DPEP3: variants seen among roughly 807,000 people sequenced by gnomAD.
DPEP3 encodes the protein dipeptidase 3.
DPEP3 carries 42 observed loss-of-function variants against 47.5 expected under a neutral mutation model. The observed-to-expected ratio is 0.88, with a 90% CI of 0.69 to 1.14. DPEP3 has a LOEUF of 1.14. Among genes scored for constraint, DPEP3 ranks in the 50% most tolerant of loss-of-function variants. The pLI is 0.00. For missense variants in DPEP3, 560 were observed against 635.0 expected (o/e 0.88, Z 1.27); for synonymous variants, 276 against 270.2 (o/e 1.02, Z -0.21).
Position 67,977,355 on chromosome 16 carries a change from C to T in DPEP3, c.934-1G>A. 1 of 1,613,698 alleles carries T rather than the reference C, an allele frequency of 6.2e-7. No individual in the cohort carries two copies. Among genetic ancestry groups the T allele is most frequent in the Non-Finnish European group, 8.5e-7 (1 of 1,179,762 alleles). On this transcript the variant is annotated splice_acceptor_variant, in intron 6 of 9. Coordinates refer to ENST00000268793, the MANE Select transcript of DPEP3 (RefSeq NM_001370198.1). LOFTEE classifies it high-confidence loss of function. ...CCATCACGATGCCACCGTTCTTCTTCTAGAGGGATAAAGGGATACTCATCT... is the reference window on the plus strand; with the variant it reads ...CCATCACGATGCCACCGTTCTTCTTTTAGAGGGATAAAGGGATACTCATCT...
rs778883477 is a variant in DPEP3 at position 67,977,755 on chromosome 16, C to T, written c.831G>A (p.Arg277=). 6 of 1,613,778 alleles carry T rather than the reference C, an allele frequency of 3.7e-6. No homozygotes were observed. The East Asian group carries it at 1.3e-4, about 36-fold the overall frequency. The change falls in exon 6 of 10, where the codon AGG becomes AGA. Residue 277 remains arginine (R), a synonymous_variant. Coordinates refer to ENST00000268793, the MANE Select transcript of DPEP3 (RefSeq NM_001370198.1). ...LSYASDTLIR[R]VLEVSQAPVI... is the part of the protein sequence containing the mutation. The stretch of plus-strand genomic sequence containing the variant: ...CAGGAGCCTGAGACACTTCCAGGAC[C>T]CTTCTTATCAAGGTGTCCGATGCAT...
intron 8 of DPEP3, 24 bp downstream of exon 8, chr16:67,976,676 G>A (rs1166007282): frequency 6.2e-7 from 1 of 1,612,288 alleles, no homozygotes; most frequent in Admixed American, 1.7e-5. Flanking sequence ...CCCAGCCTAA[G>A]AGAAACCTCA....
chr16:67,978,083 C>G lies in DPEP3; in HGVS notation c.687-76G>C. On this transcript the variant is annotated intron_variant, in intron 4 of 9. Transcript: ENST00000268793. This position sits in a 1 kb window ranked among gnomAD's most constrained non-coding sequence, Gnocchi z 4.4. ...CACAGCCTGGGGGCCCTGGCTCTAT[C>G]CATCCATCCTGCTTCCAGAACAGGT... 6.3e-7 allele frequency: 1 copy of G among 1,584,890 alleles called. No individual in the cohort carries two copies. The highest frequency in any genetic ancestry group is 8.7e-7 in the Non-Finnish European group (1 of 1,155,156).
Position 67,979,766 on chromosome 16 carries a change from C to T in DPEP3, c.288-1G>A. Reference sequence around the variant, plus strand: ...CAGGACCTGGGGCAGGTCATTGTGGCTGGGGGTGTGAAGGTCAGATGGAAA... The same window carrying T: ...CAGGACCTGGGGCAGGTCATTGTGGTTGGGGGTGTGAAGGTCAGATGGAAA... On this transcript the variant is annotated splice_acceptor_variant, in intron 1 of 9. Coordinates refer to ENST00000268793, the MANE Select transcript of DPEP3 (RefSeq NM_001370198.1). LOFTEE classifies it high-confidence loss of function. The T allele has an allele frequency of 1.2e-6, 2 of 1,613,696 alleles. No homozygotes were observed. The highest frequency in any genetic ancestry group is 1.7e-6 in the Non-Finnish European group (2 of 1,179,822).
Position 67,980,331 on chromosome 16 carries a change from A to G in DPEP3, c.50T>C (p.Leu17Pro), listed in dbSNP as rs1388595072. The change falls in exon 1 of 10, where the codon CTG becomes CCG. Residue 17 changes from leucine to proline, a missense_variant. By Grantham distance (98) the Leu-to-Pro change is moderately conservative (BLOSUM62 -3). Transcript: ENST00000268793. ...CAGTAGCAGGAGCAGCAGACGCCGC[A>G]GATACCGCCGGCTGAGCGCGCGGGA... is the stretch of plus-strand genomic sequence containing the variant. The part of the protein sequence containing the change: ...EGSRALSRRY[L>P]RRLLLLLLLL... 6.4e-7 allele frequency: 1 copy of G among 1,554,180 alleles called. No homozygotes were observed. The highest frequency in any genetic ancestry group is 8.7e-7 in the Non-Finnish European group (1 of 1,150,328).
rs1180033912 is a variant in DPEP3 at position 67,978,687 on chromosome 16, C to A, written c.415-61G>T. On this transcript the variant is annotated intron_variant, in intron 2 of 9. Transcript: ENST00000268793. This position sits in a 1 kb window ranked among gnomAD's most constrained non-coding sequence, Gnocchi z 4.4. ...GGCGGTCTTCAACCCCCTAGGCCTGCCACTCCTGCCTCAGACCCCATAACA... is the reference window on the plus strand; with the variant it reads ...GGCGGTCTTCAACCCCCTAGGCCTGACACTCCTGCCTCAGACCCCATAACA... 3 of 1,592,690 alleles carry A rather than the reference C, an allele frequency of 1.9e-6. No homozygotes were observed. The highest frequency in any genetic ancestry group is 2.3e-5 in the South Asian group (2 of 88,638).
In DPEP3 at chr16:67,975,781, G is replaced by C; in HGVS notation, c.1451C>G (p.Thr484Ser). The stretch of plus-strand genomic sequence containing the variant: ...CCGACTGTGTCAGCAGAGCCACTGG[G>C]TGAAGGTTGGGATGGTGGCAGCAGC... ...LVAAATIPTF[T>S]QWLC The change falls in exon 10 of 10, where the codon ACC (threonine) becomes AGC (serine). Residue 484 changes from threonine to serine, a missense_variant. Coordinates refer to ENST00000268793, the MANE Select transcript of DPEP3 (RefSeq NM_001370198.1). The C allele has an allele frequency of 6.2e-7, 1 of 1,613,168 alleles. No homozygotes were observed. Among genetic ancestry groups the C allele is most frequent in the East Asian group, 2.2e-5 (1 of 44,876 alleles).
chr16:67,978,177 T>G lies in DPEP3; in HGVS notation c.686+90A>C. On this transcript the variant is annotated intron_variant, in intron 4 of 9. Transcript: ENST00000268793. This position sits in a 1 kb window ranked among gnomAD's most constrained non-coding sequence, Gnocchi z 4.4. ...GTCCAGCCTCCCTCTGCGGACCCCT[T>G]CATCCTCAACGGCTTGGTCACACCC... 3.7e-6 allele frequency: 6 copies of G among 1,603,156 alleles called. No homozygotes were observed. The highest frequency in any genetic ancestry group is 5.1e-6 in the Non-Finnish European group (6 of 1,172,744).
At position 67,976,199 on chromosome 16, in the gene DPEP3, G is replaced by A; in HGVS notation, c.1124C>T (p.Thr375Ile). 5 of 1,614,198 alleles carry A rather than the reference G, an allele frequency of 3.1e-6. No homozygotes were observed. The highest frequency in any genetic ancestry group is 3.4e-6 in the Non-Finnish European group (4 of 1,180,034). Reference protein sequence around the residue: ...RFPQGLEDVSTYPVLIEELLS... With the variant: ...RFPQGLEDVSIYPVLIEELLS... ...CAACTCCTCTATCAGGACTGGGTAT[G>A]TGGACACATCCTCCAGCCCCTGAGG... The change falls in exon 9 of 10, where the codon ACA becomes ATA. Residue 375 changes from threonine (T) to isoleucine (I), a missense_variant. Thr to Ile is a moderately conservative substitution (Grantham distance 89). Transcript: ENST00000268793.
At position 67,980,280 on chromosome 16, in the gene DPEP3, G is replaced by A. The variant is rs760241354; in HGVS notation, c.101C>T (p.Thr34Ile). 38 of 1,582,934 alleles carry A rather than the reference G, an allele frequency of 2.4e-5. No individual in the cohort carries two copies. Among genetic ancestry groups the A allele is most frequent in the Non-Finnish European group, 2.7e-5 (32 of 1,166,420 alleles). Residue 34 changes from threonine to isoleucine, a missense_variant, in exon 1 of 10, where the codon ACC becomes ATC. Coordinates refer to ENST00000268793, the MANE Select transcript of DPEP3 (RefSeq NM_001370198.1). ...LLLLLLRQPVTRAETTPGAPR... is the reference protein window; with the variant it reads ...LLLLLLRQPVIRAETTPGAPR... The stretch of plus-strand genomic sequence containing the variant: ...GGCGCCCGGCGTGGTCTCCGCGCGG[G>A]TTACGGGCTGCCGCAGCAGCAGCAG...
At position 67,975,742 on chromosome 16, in the gene DPEP3, G is replaced by A. The variant is rs1334309966; in HGVS notation, c.*23C>T. ...GGGCTTTGTGAGGCTTTGCCACAGT[G>A]ACCTCTGCGGGGACCGACTGTGTCA... is the stretch of plus-strand genomic sequence containing the variant. On this transcript the variant is annotated 3_prime_UTR_variant, in exon 10 of 10. Coordinates refer to ENST00000268793, the MANE Select transcript of DPEP3 (RefSeq NM_001370198.1). 1 of 1,593,284 alleles carries A rather than the reference G, an allele frequency of 6.3e-7. No individual in the cohort carries two copies. Among genetic ancestry groups the A allele is most frequent in the South Asian group, 1.1e-5 (1 of 88,694 alleles).
intron 2 of DPEP3, 114 bp downstream of exon 2, chr16:67,979,525 G>T (rs777950071): frequency 6.8e-7 from 1 of 1,468,018 alleles, no homozygotes. Context: ...CCACATGATG[G>T]CACACTGCAT....
At chr16:67,979,200 G>A (rs767626760) in intron 2 of DPEP3, among the ~76,000 whole-genome samples, 38 of 152,192 alleles carry the variant, frequency 2.5e-4, no homozygotes, top group Non-Finnish European at 4.0e-4. Flanking sequence ...AGCTACTCAG[G>A]AGGCTGAGGC....
chr16:67,978,127 T>A lies in DPEP3; in HGVS notation c.687-120A>T. Reference sequence around the variant, plus strand: ...AACAGGTGCAGAACCAGCTGCTTTCTGGGATTGTGAGGGACCCACTGGGTG... The same window carrying A: ...AACAGGTGCAGAACCAGCTGCTTTCAGGGATTGTGAGGGACCCACTGGGTG... On this transcript the variant is annotated intron_variant, in intron 4 of 9. Transcript: ENST00000268793. The surrounding 1 kb of genome is among the most constrained non-coding windows in gnomAD (Gnocchi z 4.4). 4 of 1,576,378 alleles carry A rather than the reference T, an allele frequency of 2.5e-6. No homozygotes were observed. Among genetic ancestry groups the A allele is most frequent in the Non-Finnish European group, 3.5e-6 (4 of 1,150,046 alleles).
In DPEP3 at chr16:67,976,731, C is replaced by G. The variant is rs199567405; in HGVS notation, c.1063G>C (p.Gly355Arg). 2 of 1,614,122 alleles carry G rather than the reference C, an allele frequency of 1.2e-6. No individual in the cohort carries two copies. The highest frequency in any genetic ancestry group is 1.7e-5 in the Admixed American group (1 of 60,006). The change falls in exon 8 of 10, where the codon GGG becomes CGG. Residue 355 changes from glycine to arginine, a missense_variant. Gly to Arg is a moderately radical substitution (Grantham distance 125, BLOSUM62 -2). Coordinates refer to ENST00000268793, the MANE Select transcript of DPEP3 (RefSeq NM_001370198.1). ...GTCCCGTCATAATTTCCACCAATCC[C>G]GATGAACTCAGATCCAATGACTGCC... ...IRAVIGSEFI[G>R]IGGNYDGTGR...
At chr16:67,979,574 A>G in intron 2 of DPEP3, 65 bp downstream of exon 2, 1 of 1,599,546 alleles carries the variant, frequency 6.3e-7, no homozygotes, top group African/African-American at 1.3e-5. Flanking sequence ...TGGCTGACCC[A>G]GGTTTCTGTG....
rs1361537299 is a variant in DPEP3, at chr16:67,978,674, C to A, written c.415-48G>T. The A allele has an allele frequency of 2.5e-6, 4 of 1,601,566 alleles. No homozygotes were observed. The highest frequency in any genetic ancestry group is 3.4e-6 in the Non-Finnish European group (4 of 1,172,928). On this transcript the variant is annotated intron_variant, in intron 2 of 9. Transcript: ENST00000268793. The surrounding 1 kb of genome is among the most constrained non-coding windows in gnomAD (Gnocchi z 4.4). Reference sequence around the variant, plus strand: ...AGAATGAGGCCAGGGCGGTCTTCAACCCCCTAGGCCTGCCACTCCTGCCTC... The same window carrying A: ...AGAATGAGGCCAGGGCGGTCTTCAAACCCCTAGGCCTGCCACTCCTGCCTC...
chr16:67,978,529 T>C lies in DPEP3; in HGVS notation c.512A>G (p.Tyr171Cys), dbSNP rs2031252324. ...IDLIHRMCAS[Y>C]SELELVTSAE... ...TGAGGTCACAAGCTCGAGTTCAGAG[T>C]AGGAGGCACACATGCGGTGAATGAG... The change falls in exon 3 of 10, where the codon TAC (tyrosine) becomes TGC (cysteine). Residue 171 changes from tyrosine to cysteine, a missense_variant. Transcript: ENST00000268793. This position sits in a 1 kb window ranked among gnomAD's most constrained non-coding sequence, Gnocchi z 4.4. The C allele has an allele frequency of 2.5e-6, 4 of 1,613,862 alleles. No homozygotes were observed. The highest frequency in any genetic ancestry group is 3.4e-6 in the Non-Finnish European group (4 of 1,179,942).
chr16:67,979,905 G>A (rs537466987), intron 1 of DPEP3, 140 bp from the exon 2 acceptor site: 2 of 1,424,400 alleles, frequency 1.4e-6, no homozygotes, highest in South Asian at 1.4e-5. Flanking sequence ...GGGTTGGAGG[G>A]AGGGGGTTAG....
Sources: allele counts gnomAD v4.1 joint callset (sites outside exome capture counted in the v4.1 genomes callset), GRCh38; gene constraint gnomAD v4.1.1; non-coding constraint Gnocchi (gnomAD v3.1); transcripts MANE v1.5; gene names NCBI Gene and HGNC (gene_info 2026-07-23, HGNC 2026-07-21).